The following KDM4C variants were observed in gnomAD, a reference collection of about 807,000 sequenced individuals.
The protein encoded by KDM4C is lysine-specific demethylase 4C.
Under a neutral mutation model 129.3 loss-of-function variants are expected in KDM4C, and 81 were observed. That is an observed-to-expected ratio of 0.63 (90% CI 0.52 to 0.75). The LOEUF (loss-of-function observed/expected upper bound fraction) is 0.75. Ranked by LOEUF, KDM4C falls within the 30% of genes least tolerant of loss-of-function variation. The pLI, the probability that KDM4C is intolerant of heterozygous loss-of-function variation, is 0.00. For synonymous variants in KDM4C, 573 were observed against 456.1 expected (o/e 1.26, Z -3.26); for missense variants, 1,457 against 1,304.0 (o/e 1.12, Z -1.81).
chr9:6,778,336 C>A (rs1035900001), intron 1 of KDM4C, among the ~76,000 whole-genome samples: 1 of 151,372 alleles, frequency 6.6e-6, no homozygotes, highest in East Asian at 2.0e-4. Flanking sequence ...GTGATCCTCC[C>A]GCTTGGGCCT....
chr9:6,821,499 G>T (rs1833024114), intron 4 of KDM4C, among the ~76,000 whole-genome samples: 1 of 152,152 alleles, frequency 6.6e-6, no homozygotes, highest in South Asian at 2.1e-4. Flanking sequence ...TCTTGTGTCT[G>T]TTGGCTGCAT....
At chr9:7,105,763 A>G (rs750414058) in intron 18 of KDM4C, among the ~76,000 whole-genome samples, 5 of 152,332 alleles carry the variant, frequency 3.3e-5, no homozygotes, top group Non-Finnish European at 7.4e-5. Context: ...TGAAGTTGCT[A>G]TTAAAGAGAT....
At chr9:6,964,651 G>A (rs542631110) in intron 8 of KDM4C, among the ~76,000 whole-genome samples, 374 of 151,970 alleles carry the variant, frequency 2.5e-3, no homozygotes, top group African/African-American at 8.8e-3. Flanking sequence ...GTGTGGTGGT[G>A]GGCGCCTGTA....
chr9:7,078,376 A>T (rs1834155863), intron 17 of KDM4C, among the ~76,000 whole-genome samples: 1 of 151,694 alleles, frequency 6.6e-6, no homozygotes, highest in Admixed American at 6.6e-5. Context: ...TAGCAGAGAA[A>T]TTGTTCCTAG....
chr9:7,110,993 A>G (rs781296478), intron 18 of KDM4C, among the ~76,000 whole-genome samples: 5 of 152,168 alleles, frequency 3.3e-5, no homozygotes, highest in African/African-American at 4.8e-5. Context: ...TCAGTTCAAT[A>G]TATGTAGGGA....
intron 17 of KDM4C, among the ~76,000 whole-genome samples, chr9:7,094,746 A>G (rs2133074824): frequency 6.6e-6 from 1 of 152,314 alleles, no homozygotes; most frequent in Admixed American, 6.5e-5. Context: ...GCTTTTCATC[A>G]CTGTTTCCTC....
chr9:6,902,673 A>C (rs1171777047), intron 8 of KDM4C: 1 of 152,104 alleles, frequency 6.6e-6, no homozygotes, highest in African/African-American at 2.4e-5. Context: ...GAACTCCCTG[A>C]ATATTAATTT....
intron 1 of KDM4C, among the ~76,000 whole-genome samples, chr9:6,730,844 C>G (rs541722904): frequency 6.6e-6 from 1 of 152,094 alleles, no homozygotes; most frequent in Admixed American, 6.6e-5. Flanking sequence ...TTGAACACTC[C>G]GCAGTGTATG....
In KDM4C at chr9:6,933,862, T is replaced by A. The variant is rs113674545; in HGVS notation, c.921+40630T>A. Among the ~76,000 whole-genome samples, 355 of 150,930 alleles carry A rather than the reference T, an allele frequency of 2.4e-3. 2 individuals carry two copies. Among genetic ancestry groups the A allele is most frequent in the African/African-American group, 8.1e-3 (334 of 41,280 alleles). ...ATTTTTTATTTTTATTTATTTATTT[T>A]TTTTTGAGATGGAGTCTCACTTTGT... On this transcript the variant is annotated intron_variant, in intron 8 of 21. Transcript: ENST00000381309.
intron 4 of KDM4C, among the ~76,000 whole-genome samples, chr9:6,848,944 GT>G (rs1227648763): frequency 6.6e-6 from 1 of 152,200 alleles, no homozygotes; most frequent in Admixed American, 6.5e-5. Context: ...ACTGCCAAGA[GT>G]TTTTCCAATA....
At chr9:6,932,779 G>A (rs1445716807) in intron 8 of KDM4C, among the ~76,000 whole-genome samples, 1 of 152,182 alleles carries the variant, frequency 6.6e-6, no homozygotes, top group African/African-American at 2.4e-5. Context: ...TTGCATGATG[G>A]GGGAGGTGCC....
chr9:7,008,752 A>T (rs1210424334), intron 12 of KDM4C, among the ~76,000 whole-genome samples: 1 of 152,170 alleles, frequency 6.6e-6, no homozygotes, highest in African/African-American at 2.4e-5. Flanking sequence ...TAGGCTCCAG[A>T]TCCAACCCCA....
intron 5 of KDM4C, among the ~76,000 whole-genome samples, chr9:6,853,385 G>A (rs551327300): frequency 7.2e-5 from 11 of 152,240 alleles, no homozygotes; most frequent in Admixed American, 2.0e-4. Context: ...CCAGCTGATC[G>A]GAAGGCTGAG....
chr9:6,906,097 A>G (rs1818260689), intron 8 of KDM4C, among the ~76,000 whole-genome samples: 1 of 152,128 alleles, frequency 6.6e-6, no homozygotes. Context: ...TTGAGGTTGG[A>G]AAGTATACAG....
At chr9:7,057,448 G>T (rs368850955) in intron 17 of KDM4C, among the ~76,000 whole-genome samples, 12 of 152,140 alleles carry the variant, frequency 7.9e-5, no homozygotes, top group African/African-American at 2.7e-4. Context: ...ACAGGCTCTG[G>T]GTTAAGACTG....
At chr9:6,833,672 C>G (rs1204570530) in intron 4 of KDM4C, among the ~76,000 whole-genome samples, 1 of 152,116 alleles carries the variant, frequency 6.6e-6, no homozygotes, top group Non-Finnish European at 1.5e-5. Context: ...AATAAAACAC[C>G]TCGTACAGGG....
chr9:6,958,267 G>A (rs1589312601), intron 8 of KDM4C, among the ~76,000 whole-genome samples: 1 of 152,152 alleles, frequency 6.6e-6, no homozygotes, highest in South Asian at 2.1e-4. Context: ...TTTAACTACT[G>A]TGACAGCAGC....
At chr9:6,772,476 C>G (rs1485984686) in intron 1 of KDM4C, among the ~76,000 whole-genome samples, 1 of 151,282 alleles carries the variant, frequency 6.6e-6, no homozygotes, top group Non-Finnish European at 1.5e-5. Flanking sequence ...ATTCTCCTGC[C>G]TCATCCTCCC....
chr9:6,867,846 G>A (rs144464536), intron 5 of KDM4C, among the ~76,000 whole-genome samples: 3 of 152,206 alleles, frequency 2.0e-5, no homozygotes, highest in Non-Finnish European at 2.9e-5. Context: ...CTTCCCCACT[G>A]TCTTTTATTG....
Sources: allele counts gnomAD v4.1 joint callset (sites outside exome capture counted in the v4.1 genomes callset), GRCh38; gene constraint gnomAD v4.1.1; transcripts MANE v1.5; gene names NCBI Gene and HGNC (gene_info 2026-07-23, HGNC 2026-07-21).